Variants in ARHGDIB observed in about 807,000 individuals in gnomAD.
ARHGDIB encodes the protein rho GDP-dissociation inhibitor 2.
In ARHGDIB, 20 loss-of-function variants were observed where a neutral mutation model predicts 22.6. The ratio of observed to expected loss-of-function variants is 0.88; its 90% CI spans 0.62 to 1.28. The LOEUF (loss-of-function observed/expected upper bound fraction) is 1.28. Ranked by LOEUF, ARHGDIB falls within the 50% of genes most tolerant of loss-of-function variation. ARHGDIB has a pLI of 0.00. For missense variants in ARHGDIB, 254 were observed against 245.4 expected, an observed-to-expected ratio of 1.04 and a Z score of -0.23; for synonymous variants, 114 against 96.1, an observed-to-expected ratio of 1.19 and a Z score of -1.09.
chr12:14,950,941 GTAGTATCTTC>G, intron 1 of ARHGDIB: 1 of 424,884 alleles, frequency 2.4e-6, no homozygotes, highest in Admixed American at 4.1e-5. Flanking sequence ...CTGTACCATT[GTAGTATCTTC>G]TATTCACTGA....
chr12:14,960,079 T>C (rs977038334), intron 1 of ARHGDIB, among the ~76,000 whole-genome samples: 1 of 152,158 alleles, frequency 6.6e-6, no homozygotes, highest in African/African-American at 2.4e-5. Flanking sequence ...TGCCTGACCA[T>C]CCCTGCAGTG....
intron 5 of ARHGDIB, 106 bp from the exon 6 acceptor site, chr12:14,942,827 C>T: frequency 1.1e-6 from 1 of 947,488 alleles, no homozygotes; most frequent in Non-Finnish European, 1.6e-6. Flanking sequence ...AAGTCAAGAG[C>T]AATGGTTTCC....
chr12:14,954,139 G>C lies in ARHGDIB; in HGVS notation c.-12-3415C>G, dbSNP rs146938650. On this transcript the variant is annotated intron_variant, in intron 1 of 5. Coordinates refer to ENST00000228945, the MANE Select transcript of ARHGDIB (RefSeq NM_001175.7). ...GACTACGGGCACATGCCACCTGCCT[G>C]GCTAATTTTTTGTAGTTATGGTTGA... Among the ~76,000 whole-genome samples, 270 of 152,132 alleles carry C rather than the reference G, an allele frequency of 1.8e-3. 1 individual carries two copies. Among genetic ancestry groups the C allele is most frequent in the African/African-American group, 5.9e-3 (245 of 41,502 alleles).
chr12:14,944,881 C>A, intron 4 of ARHGDIB, 42 bp from the exon 5 acceptor site: 1 of 1,578,100 alleles, frequency 6.3e-7, no homozygotes, highest in Non-Finnish European at 8.7e-7. Flanking sequence ...TTAAGAGGGT[C>A]TTTCATTTTT....
At chr12:14,960,720 C>T (rs1864392662) in intron 1 of ARHGDIB, among the ~76,000 whole-genome samples, 1 of 152,206 alleles carries the variant, frequency 6.6e-6, no homozygotes, top group South Asian at 2.1e-4. Flanking sequence ...TCAAGCCGGT[C>T]TTGAACTCCT....
intron 3 of ARHGDIB, chr12:14,948,698 G>A (rs924459613): frequency 6.6e-6 from 1 of 152,166 alleles, no homozygotes; most frequent in African/African-American, 2.4e-5. Context: ...TGGGAAAGGG[G>A]ACAGAGACCA....
At chr12:14,958,457 T>C (rs1176141795) in intron 1 of ARHGDIB, among the ~76,000 whole-genome samples, 1 of 152,224 alleles carries the variant, frequency 6.6e-6, no homozygotes. Context: ...AGAAACAATT[T>C]ATTATTTCTT....
intron 4 of ARHGDIB, among the ~76,000 whole-genome samples, chr12:14,947,366 C>T (rs79922833): frequency 0.018 from 2,807 of 152,286 alleles, 88 homozygotes; most frequent in African/African-American, 0.063. Flanking sequence ...GATCACACTT[C>T]CTGGATTTAT....
chr12:14,950,315 G>T (rs1039764402), intron 2 of ARHGDIB, among the ~76,000 whole-genome samples: 2 of 152,160 alleles, frequency 1.3e-5, no homozygotes, highest in Non-Finnish European at 2.9e-5. Context: ...CCCTCTGTGT[G>T]TTATGTGTGC....
chr12:14,943,119 C>T (rs1194921296), intron 5 of ARHGDIB, among the ~76,000 whole-genome samples: 6 of 152,130 alleles, frequency 3.9e-5, no homozygotes, highest in African/African-American at 9.7e-5. Context: ...CCACCCGCCT[C>T]GGCCTCCCAA....
In ARHGDIB at chr12:14,949,905, T is replaced by A; in HGVS notation, c.182-20A>T. Reference sequence around the variant, plus strand: ...TCGGATCTGCAGGATCGAAAGGGAATGTAAGTACCAAGAAGAGACATGTGT... The same window carrying A: ...TCGGATCTGCAGGATCGAAAGGGAAAGTAAGTACCAAGAAGAGACATGTGT... On this transcript the variant is annotated intron_variant, in intron 2 of 5. Coordinates refer to ENST00000228945, the MANE Select transcript of ARHGDIB (RefSeq NM_001175.7). 6.2e-7 allele frequency: 1 copy of A among 1,609,158 alleles called. No individual in the cohort carries two copies. Among genetic ancestry groups the A allele is most frequent in the Non-Finnish European group, 8.5e-7 (1 of 1,176,806 alleles).
chr12:14,944,655 C>T (rs1039833168), intron 5 of ARHGDIB, 121 bp downstream of exon 5: 7 of 909,476 alleles, frequency 7.7e-6, no homozygotes, highest in Non-Finnish European at 6.7e-6. Flanking sequence ...TTCCTAGAGC[C>T]GGCATCCACA....
Position 14,950,638 on chromosome 12 carries a change from C to T in ARHGDIB, c.75G>A (p.Lys25=), listed in dbSNP as rs2120722106. Residue 25 remains lysine, a synonymous_variant, in exon 2 of 6, where the codon AAG becomes AAA. Coordinates refer to ENST00000228945, the MANE Select transcript of ARHGDIB (RefSeq NM_001175.7). ...DDELDSKLNY[K]PPPQKSLKEL... is the part of the protein sequence containing the mutation. ...CTTTCAGGGACTTCTGTGGTGGAGG[C>T]TTATAATTGAGCTTGCTGTCCAGCT... The T allele has an allele frequency of 6.2e-7, 1 of 1,614,026 alleles. No individual in the cohort carries two copies. The highest frequency in any genetic ancestry group is 8.5e-7 in the Non-Finnish European group (1 of 1,179,926).
chr12:14,958,928 A>G (rs1303980512), intron 1 of ARHGDIB, among the ~76,000 whole-genome samples: 57 of 152,192 alleles, frequency 3.7e-4, no homozygotes. Flanking sequence ...TGTAGCCTTG[A>G]ATACAGGATC....
chr12:14,960,506 A>T (rs752111390), intron 1 of ARHGDIB, among the ~76,000 whole-genome samples: 4 of 152,076 alleles, frequency 2.6e-5, no homozygotes, highest in Non-Finnish European at 5.9e-5. Context: ...ATCATTATTA[A>T]TATTTTTATT....
chr12:14,952,983 A>AAGAG (rs138684101), intron 1 of ARHGDIB, among the ~76,000 whole-genome samples: 3 of 152,250 alleles, frequency 2.0e-5, no homozygotes, highest in Middle Eastern at 6.8e-3. Context: ...GAGAAAGAGA[A>AAGAG]AGAGAGCGAG....
intron 1 of ARHGDIB, among the ~76,000 whole-genome samples, chr12:14,951,405 G>A (rs1323699590): frequency 1.3e-5 from 2 of 152,138 alleles, no homozygotes; most frequent in Non-Finnish European, 2.9e-5. Flanking sequence ...GCATAGTTCT[G>A]GCACTTTATA....
intron 5 of ARHGDIB, among the ~76,000 whole-genome samples, chr12:14,943,025 T>C (rs1235987668): frequency 1.3e-5 from 2 of 152,060 alleles, no homozygotes; most frequent in Admixed American, 1.3e-4. Flanking sequence ...TGCGCCACCA[T>C]GCTTGGCTAA....
intron 1 of ARHGDIB, among the ~76,000 whole-genome samples, chr12:14,953,837 C>G (rs533747887): frequency 9.3e-5 from 14 of 151,192 alleles, no homozygotes; most frequent in Middle Eastern, 3.4e-3. Context: ...CTCTCTCTCT[C>G]TCTTTCTCTT....
Sources: allele counts gnomAD v4.1 joint callset (sites outside exome capture counted in the v4.1 genomes callset), GRCh38; gene constraint gnomAD v4.1.1; transcripts MANE v1.5; gene names NCBI Gene and HGNC (gene_info 2026-07-23, HGNC 2026-07-21).